The following CCDC171 variants were observed in gnomAD, a reference collection of about 807,000 sequenced individuals.
CCDC171 encodes coiled-coil domain containing 171.
Under a neutral mutation model 168.2 loss-of-function variants are expected in CCDC171, and 177 were observed. The observed-to-expected ratio is 1.05, with a 90% CI of 0.93 to 1.19. The LOEUF (loss-of-function observed/expected upper bound fraction) is 1.19, where lower values mean the gene tolerates loss of function less well. CCDC171 is among the 50% of genes most tolerant of loss of function. CCDC171 has a pLI of 0.00. For synonymous variants in CCDC171, 687 were observed against 540.8 expected (o/e 1.27, Z -3.75); for missense variants, 1,991 against 1,539.0 (o/e 1.29, Z -4.91).
chr9:16,095,080 C>A, the CCDC171 span, among the ~76,000 whole-genome samples: 1 of 152,292 alleles, frequency 6.6e-6, no homozygotes, highest in East Asian at 1.9e-4. Flanking sequence ...CCCAGCCATG[C>A]TTCCTGTACA....
At chr9:16,090,781 A>T in the CCDC171 span, among the ~76,000 whole-genome samples, 3 of 152,174 alleles carry the variant, frequency 2.0e-5, no homozygotes, top group Non-Finnish European at 2.9e-5. Context: ...CTATATTCTG[A>T]TATAAAGAGA....
chr9:15,679,043 TGCTGA>T, intron 10 of CCDC171, 147 bp downstream of exon 10: 1 of 570,648 alleles, frequency 1.8e-6, no homozygotes, highest in Non-Finnish European at 3.0e-6. Flanking sequence ...AAACTGGAAA[TGCTGA>T]TTACATCAAA....
intron 7 of CCDC171, among the ~76,000 whole-genome samples, chr9:15,656,741 T>TGAG (rs2047966321): frequency 6.6e-6 from 1 of 152,066 alleles, no homozygotes; most frequent in African/African-American, 2.4e-5. Context: ...GGTGGGGTGG[T>TGAG]GAGGGCTGGA....
intron 2 of CCDC171, among the ~76,000 whole-genome samples, chr9:15,568,996 C>T (rs939876081): frequency 1.3e-5 from 2 of 152,044 alleles, no homozygotes; most frequent in African/African-American, 4.8e-5. Context: ...GATGGTATTG[C>T]CTAGGTTGTC....
intron 23 of CCDC171, among the ~76,000 whole-genome samples, chr9:15,850,902 G>A (rs2061098187): frequency 1.3e-5 from 2 of 151,892 alleles, no homozygotes. Flanking sequence ...ACTCTTTAAC[G>A]AAGTTTACTG....
At chr9:15,908,591 C>T (rs1823106230) in intron 24 of CCDC171, among the ~76,000 whole-genome samples, 1 of 152,098 alleles carries the variant, frequency 6.6e-6, no homozygotes, top group Non-Finnish European at 1.5e-5. Flanking sequence ...ACCTACATGG[C>T]ACATGTATAC....
chr9:15,951,556 G>T (rs1589228015), intron 25 of CCDC171, among the ~76,000 whole-genome samples: 2 of 151,800 alleles, frequency 1.3e-5, no homozygotes, highest in Admixed American at 1.3e-4. Context: ...GTTTTTTTAA[G>T]TAGCCGTTCT....
At chr9:15,874,191 TG>T (rs1265612690) in intron 23 of CCDC171, among the ~76,000 whole-genome samples, 1 of 152,130 alleles carries the variant, frequency 6.6e-6, no homozygotes, top group East Asian at 1.9e-4. Context: ...GATTAGGAGA[TG>T]GCTGTTGTTT....
intron 1 of CCDC171, among the ~76,000 whole-genome samples, chr9:15,555,813 C>A (rs117746357): frequency 0.033 from 4,989 of 152,214 alleles, 133 homozygotes; most frequent in Middle Eastern, 0.082. Flanking sequence ...AAGTATATCT[C>A]CTAATGCTAT....
At chr9:15,793,461 C>G (rs978270478) in intron 21 of CCDC171, among the ~76,000 whole-genome samples, 3 of 151,450 alleles carry the variant, frequency 2.0e-5, no homozygotes, top group African/African-American at 4.9e-5. Flanking sequence ...AGCTCTGCAC[C>G]AAGCGGACCT....
intron 9 of CCDC171, among the ~76,000 whole-genome samples, chr9:15,671,873 T>G (rs1314436731): frequency 6.6e-6 from 1 of 152,208 alleles, no homozygotes; most frequent in Non-Finnish European, 1.5e-5. Flanking sequence ...TACCCAGTAA[T>G]GGGATCGCTG....
chr9:15,585,745 A>AGG (rs2041506431), intron 4 of CCDC171, among the ~76,000 whole-genome samples: 1 of 152,172 alleles, frequency 6.6e-6, no homozygotes, highest in African/African-American at 2.4e-5. Context: ...TGGGAGGTGG[A>AGG]GGCGGGTGGA....
chr9:15,654,021 G>C (rs1249083835), intron 7 of CCDC171, among the ~76,000 whole-genome samples: 1 of 152,076 alleles, frequency 6.6e-6, no homozygotes, highest in Non-Finnish European at 1.5e-5. Context: ...AGTGTTTTGA[G>C]TCTTCAGACA....
At chr9:15,743,845 A>G (rs2055068365) in intron 16 of CCDC171, among the ~76,000 whole-genome samples, 1 of 152,214 alleles carries the variant, frequency 6.6e-6, no homozygotes. Context: ...GGTAAAAAGT[A>G]AAGTCTTTTT....
the CCDC171 span, among the ~76,000 whole-genome samples, chr9:16,105,270 G>C: frequency 7.4e-4 from 112 of 152,288 alleles, no homozygotes; most frequent in African/African-American, 2.6e-3. Context: ...CTGAGGGCGG[G>C]AGAAGTGTGG....
intron 24 of CCDC171, among the ~76,000 whole-genome samples, chr9:15,890,843 A>G (rs1016834111): frequency 6.6e-6 from 1 of 152,132 alleles, no homozygotes; most frequent in East Asian, 1.9e-4. Flanking sequence ...TAGAATAGAG[A>G]TTATAGGGAT....
At chr9:15,640,472 A>C (rs1248011801) in intron 7 of CCDC171, among the ~76,000 whole-genome samples, 1 of 152,148 alleles carries the variant, frequency 6.6e-6, no homozygotes, top group African/African-American at 2.4e-5. Flanking sequence ...CTTATGTAAA[A>C]TATATCATGT....
intron 8 of CCDC171, among the ~76,000 whole-genome samples, chr9:15,665,230 G>A (rs1294026168): frequency 6.6e-6 from 1 of 152,050 alleles, no homozygotes; most frequent in Non-Finnish European, 1.5e-5. Flanking sequence ...TGGCTCAAAC[G>A]ATCCTCCCTC....
chr9:15,716,821 C>G (rs1359627065), intron 11 of CCDC171, among the ~76,000 whole-genome samples: 1 of 152,174 alleles, frequency 6.6e-6, no homozygotes, highest in East Asian at 1.9e-4. Flanking sequence ...GCCCTCATAA[C>G]CCAGTAACCT....
Sources: gnomAD v4.1 joint callset for allele counts (sites outside exome capture counted in the v4.1 genomes callset) on GRCh38, gnomAD v4.1.1 for gene constraint, MANE v1.5 for transcripts, NCBI Gene and HGNC (gene_info 2026-07-23, HGNC 2026-07-21) for gene names.